Variants in STPG2 observed in about 807,000 individuals in gnomAD.
The protein encoded by STPG2 is sperm tail PG-rich repeat containing 2, also known as sperm-tail PG-rich repeat-containing protein 2.
In STPG2, 56 loss-of-function variants were observed where a neutral mutation model predicts 54.2. The ratio of observed to expected loss-of-function variants is 1.03; its 90% CI spans 0.83 to 1.29. The LOEUF is 1.29. Ranked by LOEUF, STPG2 falls within the 50% of genes most tolerant of loss-of-function variation. The probability of loss-of-function intolerance (pLI) is 0.00; values close to 1 mark genes in which losing one functional copy is unlikely to be tolerated. For missense variants in STPG2, 596 were observed against 544.9 expected (o/e 1.09, Z -0.93); for synonymous variants, 200 against 181.8 (o/e 1.10, Z -0.81).
chr4:97,899,195 C>T (rs1353688564), intron 8 of STPG2, among the ~76,000 whole-genome samples: 1 of 151,586 alleles, frequency 6.6e-6, no homozygotes, highest in Admixed American at 6.6e-5. Context: ...AACTGAGAGC[C>T]AAATCAAAAA....
At position 98,021,864 on chromosome 4, in the gene STPG2, T is replaced by G. The variant is rs182862782; in HGVS notation, c.613-40546A>C. ...CCCCTGCCTTTTTTTGTTTTCCATT[T>G]GCTTGGTAGATCTTCCTCCATCCCT... On this transcript the variant is annotated intron_variant, in intron 5 of 10. Transcript: ENST00000295268. 1.5e-3 allele frequency among the ~76,000 whole-genome samples: 232 copies of G among 152,158 alleles called. 2 individuals carry two copies. The highest frequency in any genetic ancestry group is 1.6e-3 in the Non-Finnish European group (110 of 67,986).
At chr4:97,869,156 A>G (rs1194857002) in intron 8 of STPG2, among the ~76,000 whole-genome samples, 1 of 151,786 alleles carries the variant, frequency 6.6e-6, no homozygotes. Context: ...TAAGTCCTCA[A>G]TACTCTCAGT....
chr4:97,665,957 A>G (rs1463606861), intron 10 of STPG2, among the ~76,000 whole-genome samples: 4 of 152,108 alleles, frequency 2.6e-5, no homozygotes, highest in African/African-American at 9.7e-5. Context: ...GAGGCCAAGC[A>G]GCAGAAGCAG....
At chr4:97,970,431 A>G (rs1734283401) in intron 7 of STPG2, among the ~76,000 whole-genome samples, 1 of 152,228 alleles carries the variant, frequency 6.6e-6, no homozygotes, top group Non-Finnish European at 1.5e-5. Flanking sequence ...TACAGCAACC[A>G]AAACAGTGTG....
chr4:97,532,595 T>C (rs1052009554), intron 4 of STPG2, among the ~76,000 whole-genome samples: 1 of 152,176 alleles, frequency 6.6e-6, no homozygotes, highest in Non-Finnish European at 1.5e-5. Flanking sequence ...TTGAAAGACA[T>C]CCTGAGTTAT....
In STPG2 at chr4:97,809,412, T is replaced by C. The variant is rs529344982; in HGVS notation, c.1204+31361A>G. ...TTATCTACCTACTACTTTGAAATGA[T>C]TTTTGTAGACATAATTAAACTATCA... On this transcript the variant is annotated intron_variant, in intron 9 of 10. Coordinates refer to ENST00000295268, the MANE Select transcript of STPG2 (RefSeq NM_174952.3). 3.5e-3 allele frequency among the ~76,000 whole-genome samples: 519 copies of C among 146,800 alleles called. 2 individuals are homozygous for C. Among genetic ancestry groups the C allele is most frequent in the Non-Finnish European group, 6.3e-3 (425 of 67,986 alleles).
intron 4 of STPG2, among the ~76,000 whole-genome samples, chr4:97,511,112 T>C (rs971666046): frequency 6.6e-6 from 1 of 152,130 alleles, no homozygotes; most frequent in East Asian, 1.9e-4. Flanking sequence ...ACAACTATTT[T>C]AGTAATTATG....
chr4:98,104,737 G>C (rs1164247626), intron 5 of STPG2, among the ~76,000 whole-genome samples: 2 of 152,098 alleles, frequency 1.3e-5, no homozygotes, highest in East Asian at 3.9e-4. Context: ...TTTAAATTAT[G>C]TATTTCAGAG....
chr4:97,493,687 T>C (rs1730550534), intron 4 of STPG2, among the ~76,000 whole-genome samples: 1 of 151,568 alleles, frequency 6.6e-6, no homozygotes, highest in African/African-American at 2.4e-5. Flanking sequence ...AACTGTCTTA[T>C]TTTAGATTCC....
At chr4:97,981,350 A>G in intron 5 of STPG2, 32 bp from the exon 6 acceptor site, 21 of 1,609,710 alleles carry the variant, frequency 1.3e-5, no homozygotes, top group Non-Finnish European at 1.8e-5. Flanking sequence ...TGCCAATAAG[A>G]AAGTATAGTA....
At chr4:97,601,914 T>C (rs1046196048) in intron 10 of STPG2, among the ~76,000 whole-genome samples, 1 of 151,900 alleles carries the variant, frequency 6.6e-6, no homozygotes, top group African/African-American at 2.4e-5. Context: ...CTCATGAACA[T>C]GGCACATTTT....
intron 9 of STPG2, among the ~76,000 whole-genome samples, chr4:97,789,657 TA>T (rs2149079375): frequency 6.6e-6 from 1 of 152,310 alleles, no homozygotes; most frequent in Admixed American, 6.5e-5. Flanking sequence ...ATATAAAAAC[TA>T]AAATTAAGTC....
At chr4:97,663,692 T>C (rs1722441793) in intron 10 of STPG2, among the ~76,000 whole-genome samples, 2 of 152,336 alleles carry the variant, frequency 1.3e-5, no homozygotes, top group Non-Finnish European at 2.9e-5. Flanking sequence ...GGCAGTTCTG[T>C]GTCATTGGAC....
At position 97,850,567 on chromosome 4, in the gene STPG2, A is replaced by C. The variant is rs188896737; in HGVS notation, c.1045-9635T>G. Among the ~76,000 whole-genome samples the C allele has an allele frequency of 1.1e-4, 17 of 151,966 alleles. 1 individual carries two copies. Among genetic ancestry groups the C allele is most frequent in the Admixed American group, 9.2e-4 (14 of 15,248 alleles). On this transcript the variant is annotated intron_variant, in intron 8 of 10. Transcript: ENST00000295268. ...AGACTTTATAATGATCTGTATATGCACGTCATTATTTATATTTCTGATCCT... is the reference window on the plus strand; with the variant it reads ...AGACTTTATAATGATCTGTATATGCCCGTCATTATTTATATTTCTGATCCT...
chr4:98,009,887 G>T (rs1396164662), intron 5 of STPG2, among the ~76,000 whole-genome samples: 2 of 151,860 alleles, frequency 1.3e-5, no homozygotes, highest in Non-Finnish European at 2.9e-5. Context: ...TTTTCAGTTT[G>T]TTGGCATATA....
At chr4:97,501,473 G>A (rs1447912181) in intron 4 of STPG2, among the ~76,000 whole-genome samples, 1 of 152,042 alleles carries the variant, frequency 6.6e-6, no homozygotes, top group African/African-American at 2.4e-5. Flanking sequence ...ACTTTGGGAG[G>A]TCCAGGTAGG....
intron 5 of STPG2, among the ~76,000 whole-genome samples, chr4:98,002,974 C>T (rs1274287322): frequency 6.6e-6 from 1 of 151,976 alleles, no homozygotes; most frequent in Non-Finnish European, 1.5e-5. Context: ...CAGTCTTTCA[C>T]CAAGGCAGCT....
chr4:97,782,949 C>A lies in STPG2; in HGVS notation c.1204+57824G>T, dbSNP rs1252347029. On this transcript the variant is annotated intron_variant, in intron 9 of 10. Coordinates refer to ENST00000295268, the MANE Select transcript of STPG2 (RefSeq NM_174952.3). Reference sequence around the variant, plus strand: ...TTAATTCAAGATGGATTAAAGACTTCAATGTTAGACCTAAAACCATAAAAA... The same window carrying A: ...TTAATTCAAGATGGATTAAAGACTTAAATGTTAGACCTAAAACCATAAAAA... 3.3e-5 allele frequency among the ~76,000 whole-genome samples: 5 copies of A among 152,028 alleles called. No homozygotes were observed. In the East Asian group the frequency reaches 5.8e-4, roughly 18 times the overall value.
intron 10 of STPG2, among the ~76,000 whole-genome samples, chr4:97,651,192 T>G (rs1722056854): frequency 6.6e-6 from 1 of 152,156 alleles, no homozygotes; most frequent in Admixed American, 6.5e-5. Flanking sequence ...GTTTCTTGAC[T>G]ACCTGTGTTA....
Sources: allele counts gnomAD v4.1 joint callset (sites outside exome capture counted in the v4.1 genomes callset), GRCh38; gene constraint gnomAD v4.1.1; transcripts MANE v1.5; gene names NCBI Gene and HGNC (gene_info 2026-07-23, HGNC 2026-07-21).